Variants in CFAP47 observed in about 807,000 individuals in gnomAD.
The protein encoded by CFAP47 is cilia- and flagella-associated protein 47.
Under a neutral mutation model 148.1 loss-of-function variants are expected in CFAP47, and 29 were observed. The ratio of observed to expected loss-of-function variants is 0.20; its 90% CI spans 0.15 to 0.27. The LOEUF (loss-of-function observed/expected upper bound fraction) is 0.27. Ranked by LOEUF, CFAP47 falls within the 10% of genes least tolerant of loss-of-function variation. The pLI is 1.00. For synonymous variants in CFAP47, 664 were observed against 577.3 expected (o/e 1.15, Z -2.15); for missense variants, 1,872 against 1,697.5 (o/e 1.10, Z -1.81).
chrX:36,328,816 C>CA (rs782618340), intron 57 of CFAP47, among the ~76,000 whole-genome samples: 20,191 of 56,038 alleles, frequency 0.36, 3,349 homozygotes, highest in East Asian at 0.58. Flanking sequence ...GACTCTGTCT[C>CA]AAAAAAAAAA....
In CFAP47 at chrX:36,191,835, C is replaced by A. The variant is rs190802900; in HGVS notation, c.6321+1639C>A. Among the ~76,000 whole-genome samples the A allele has an allele frequency of 8.2e-5, 9 of 110,198 alleles. No individual in the cohort carries two copies. The East Asian group carries it at 2.6e-3, about 32-fold the overall frequency. On this transcript the variant is annotated intron_variant, in intron 42 of 63. Transcript: ENST00000378653. ...CCTTCTCTACTATCAATACAAAAAT[C>A]AGCTGGGCATAGTGGCACGCACCTG...
At chrX:36,375,184 T>C (rs1942010438) in intron 62 of CFAP47, 2 of 278,503 alleles carry the variant, frequency 7.2e-6, no homozygotes, top group Non-Finnish European at 1.3e-5. Flanking sequence ...TGAGCACCAT[T>C]GTGGCAATGC....
intron 45 of CFAP47, among the ~76,000 whole-genome samples, chrX:36,205,873 T>C (rs1940033465): frequency 8.9e-6 from 1 of 112,297 alleles, no homozygotes; most frequent in East Asian, 2.8e-4. Flanking sequence ...ATGCTTTTGC[T>C]AAATTTGGTT....
chrX:36,118,216 C>T (rs1938675368), intron 33 of CFAP47, among the ~76,000 whole-genome samples: 1 of 111,551 alleles, frequency 9.0e-6, no homozygotes, highest in East Asian at 2.8e-4. Flanking sequence ...ATAACTTTGG[C>T]TATTCTGGGT....
chrX:35,966,899 T>G (rs902527723), intron 9 of CFAP47, 145 bp downstream of exon 9: 4 of 325,363 alleles, frequency 1.2e-5, no homozygotes, highest in Non-Finnish European at 2.1e-5. Flanking sequence ...GCTGCAACTA[T>G]CAGGTCTAAA....
chrX:36,099,957 G>C, intron 32 of CFAP47, 78 bp downstream of exon 32: 3 of 520,691 alleles, frequency 5.8e-6, no homozygotes, highest in Non-Finnish European at 6.2e-6. Flanking sequence ...AGACAATGCT[G>C]CTATGAAAGA....
At chrX:36,118,301 G>T (rs1938677225) in intron 33 of CFAP47, among the ~76,000 whole-genome samples, 1 of 110,662 alleles carries the variant, frequency 9.0e-6, no homozygotes, top group Non-Finnish European at 1.9e-5. Flanking sequence ...TTTCATAGGG[G>T]TTGCATGGAA....
chrX:36,253,188 C>T (rs2146924497), intron 49 of CFAP47, among the ~76,000 whole-genome samples: 1 of 111,821 alleles, frequency 8.9e-6, no homozygotes, highest in South Asian at 3.6e-4. Context: ...GCGCAGGATA[C>T]ATTGTTAAGT....
chrX:36,361,565 G>T (rs1032902569), intron 61 of CFAP47, 64 bp downstream of exon 61: 7 of 448,920 alleles, frequency 1.6e-5, no homozygotes, highest in African/African-American at 5.1e-5. Context: ...TATTAATGTT[G>T]ATTTCTCTTT....
chrX:36,210,483 A>G (rs143009294), intron 45 of CFAP47, among the ~76,000 whole-genome samples: 1,523 of 112,071 alleles, frequency 0.014, 22 homozygotes, highest in African/African-American at 0.047. Context: ...CCATGTGCTT[A>G]TTTGCCATTT....
intron 33 of CFAP47, among the ~76,000 whole-genome samples, chrX:36,122,614 C>A (rs1450875967): frequency 9.0e-6 from 1 of 111,480 alleles, no homozygotes; most frequent in Non-Finnish European, 1.9e-5. Flanking sequence ...AGTATGCCAA[C>A]TGTATGTTTC....
chrX:36,062,466 G>A (rs1280626771), intron 26 of CFAP47, among the ~76,000 whole-genome samples: 2 of 111,623 alleles, frequency 1.8e-5, no homozygotes. Context: ...TGTGATTAGA[G>A]TATTAATTAT....
At chrX:36,125,499 A>G (rs1256153521) in intron 33 of CFAP47, among the ~76,000 whole-genome samples, 2 of 112,107 alleles carry the variant, frequency 1.8e-5, no homozygotes, top group Non-Finnish European at 3.8e-5. Flanking sequence ...AATCAAAAGA[A>G]TTATAAATAT....
intron 57 of CFAP47, among the ~76,000 whole-genome samples, chrX:36,339,847 A>G (rs1556015469): frequency 3.6e-5 from 4 of 112,161 alleles, no homozygotes; most frequent in Non-Finnish European, 7.5e-5. Context: ...TACCTTAGCA[A>G]TCATATTTGC....
At chrX:35,941,447 T>G in intron 3 of CFAP47, 49 bp downstream of exon 3, 1 of 654,980 alleles carries the variant, frequency 1.5e-6, no homozygotes, top group Non-Finnish European at 2.3e-6. Context: ...GAGTTGGTAT[T>G]ATTTGAAATG....
chrX:36,234,687 T>C (rs1357173653), intron 46 of CFAP47, among the ~76,000 whole-genome samples: 7 of 111,854 alleles, frequency 6.3e-5, no homozygotes, highest in African/African-American at 1.3e-4. Context: ...GGAGGAGAGG[T>C]GCTCTGCTTT....
chrX:36,352,342 A>G (rs2146985797), intron 59 of CFAP47, among the ~76,000 whole-genome samples: 1 of 111,444 alleles, frequency 9.0e-6, no homozygotes, highest in South Asian at 3.7e-4. Flanking sequence ...ATATCATTGT[A>G]TTCTTATTGT....
intron 2 of CFAP47, among the ~76,000 whole-genome samples, chrX:35,939,239 T>C (rs373695170): frequency 7.2e-5 from 8 of 111,287 alleles, no homozygotes; most frequent in African/African-American, 2.6e-4. Context: ...TTTGTCATTC[T>C]CTTCTTTTCT....
At chrX:36,226,864 GT>G (rs1940276102) in intron 45 of CFAP47, among the ~76,000 whole-genome samples, 1 of 111,302 alleles carries the variant, frequency 9.0e-6, no homozygotes, top group Non-Finnish European at 1.9e-5. Flanking sequence ...ATAGCAAGAG[GT>G]TTTTATCTTT....
Sources: gnomAD v4.1 joint callset for allele counts (sites outside exome capture counted in the v4.1 genomes callset) on GRCh38, gnomAD v4.1.1 for gene constraint, MANE v1.5 for transcripts, NCBI Gene and HGNC (gene_info 2026-07-23, HGNC 2026-07-21) for gene names.